Variants in TNFSF4 observed in about 807,000 individuals in gnomAD.
The protein encoded by TNFSF4 is TNF superfamily member 4.
A neutral mutation model predicts 7.3 loss-of-function variants in TNFSF4; 4 were observed. The observed-to-expected ratio is 0.55, with a 90% CI of 0.27 to 1.25. TNFSF4 has a LOEUF of 1.25. TNFSF4 is among the 50% of genes most tolerant of loss of function. The pLI is 0.12. For missense variants in TNFSF4, 181 were observed against 208.8 expected (o/e 0.87, Z 0.82); for synonymous variants, 76 against 83.7 (o/e 0.91, Z 0.50).
downstream of TNFSF4, among the ~76,000 whole-genome samples, chr1:173,182,070 A>C (rs955825056): frequency 6.6e-6 from 1 of 152,178 alleles, no homozygotes; most frequent in African/African-American, 2.4e-5. Flanking sequence ...TTAAAATGCT[A>C]CTGAAAACCA....
At chr1:173,250,700 C>T in the TNFSF4 span, among the ~76,000 whole-genome samples, 54 of 152,120 alleles carry the variant, frequency 3.5e-4, no homozygotes, top group East Asian at 6.8e-3. Context: ...ACCTCGTGAT[C>T]CGCCCACCTC....
intron 1 of TNFSF4, among the ~76,000 whole-genome samples, chr1:173,202,552 GC>G (rs1649991460): frequency 6.6e-6 from 1 of 152,106 alleles, no homozygotes; most frequent in African/African-American, 2.4e-5. Context: ...TTACTGTGGT[GC>G]CCCCTAGTGC....
chr1:173,381,141 A>T, the TNFSF4 span, among the ~76,000 whole-genome samples: 1 of 152,276 alleles, frequency 6.6e-6, no homozygotes, highest in East Asian at 1.9e-4. Context: ...ACACTCTCAA[A>T]GGATTTCTCA....
chr1:173,277,668 G>A, the TNFSF4 span, among the ~76,000 whole-genome samples: 7 of 151,986 alleles, frequency 4.6e-5, no homozygotes. Flanking sequence ...ACTATCTCTG[G>A]GTCACTATTA....
chr1:173,385,276 C>G, the TNFSF4 span, among the ~76,000 whole-genome samples: 3 of 152,116 alleles, frequency 2.0e-5, no homozygotes, highest in Non-Finnish European at 2.9e-5. Context: ...CTCCAAACAC[C>G]GGTGAATTGT....
chr1:173,286,609 A>G, the TNFSF4 span, among the ~76,000 whole-genome samples: 1 of 152,204 alleles, frequency 6.6e-6, no homozygotes, highest in Non-Finnish European at 1.5e-5. Context: ...TGAACCATAG[A>G]CCTAAACGTG....
the TNFSF4 span, among the ~76,000 whole-genome samples, chr1:173,366,630 T>A: frequency 2.0e-5 from 3 of 152,182 alleles, no homozygotes; most frequent in Non-Finnish European, 4.4e-5. Flanking sequence ...TAAAGGAGTA[T>A]AATTGGACTG....
chr1:173,435,719 C>T, the TNFSF4 span, among the ~76,000 whole-genome samples: 1 of 152,178 alleles, frequency 6.6e-6, no homozygotes. Flanking sequence ...CAGCTATATT[C>T]AATAAAAGTT....
chr1:173,342,550 T>C, the TNFSF4 span, among the ~76,000 whole-genome samples: 3 of 152,190 alleles, frequency 2.0e-5, no homozygotes, highest in Admixed American at 6.5e-5. Flanking sequence ...ATGGACATAT[T>C]ATCCGTTTCT....
At chr1:173,267,538 G>A in the TNFSF4 span, among the ~76,000 whole-genome samples, 1 of 152,046 alleles carries the variant, frequency 6.6e-6, no homozygotes, top group Non-Finnish European at 1.5e-5. Context: ...TTTTGCATTA[G>A]TCATCTTACC....
At chr1:173,415,867 A>AT in the TNFSF4 span, among the ~76,000 whole-genome samples, 1 of 152,186 alleles carries the variant, frequency 6.6e-6, no homozygotes, top group African/African-American at 2.4e-5. Context: ...TGTTCATAGT[A>AT]TTTTTGCCTA....
the TNFSF4 span, among the ~76,000 whole-genome samples, chr1:173,234,929 A>G: frequency 2.0e-5 from 3 of 152,342 alleles, no homozygotes; most frequent in South Asian, 6.2e-4. Flanking sequence ...CGTGGACCCT[A>G]GAACTTAAAG....
At chr1:173,251,518 C>T in the TNFSF4 span, among the ~76,000 whole-genome samples, 2 of 152,116 alleles carry the variant, frequency 1.3e-5, 1 homozygote, top group Non-Finnish European at 2.9e-5. Context: ...GAAGGGCTGA[C>T]CAAGGTGGGC....
chr1:173,293,969 GT>G, the TNFSF4 span, among the ~76,000 whole-genome samples: 1 of 151,732 alleles, frequency 6.6e-6, no homozygotes, highest in Non-Finnish European at 1.5e-5. Context: ...TGTTGACAAG[GT>G]TATGGAGAAA....
At chr1:173,274,308 T>C in the TNFSF4 span, among the ~76,000 whole-genome samples, 1 of 152,176 alleles carries the variant, frequency 6.6e-6, no homozygotes, top group Non-Finnish European at 1.5e-5. Context: ...CATAATTTAT[T>C]CAAGCATTCT....
At chr1:173,232,728 A>G in the TNFSF4 span, among the ~76,000 whole-genome samples, 6 of 152,148 alleles carry the variant, frequency 3.9e-5, no homozygotes, top group Admixed American at 3.3e-4. Context: ...TGAGATAATC[A>G]TGTGGTTTTT....
the TNFSF4 span, among the ~76,000 whole-genome samples, chr1:173,262,724 T>A: frequency 1.3e-5 from 2 of 150,342 alleles, no homozygotes; most frequent in Admixed American, 1.3e-4. Flanking sequence ...TGCCTCAGCC[T>A]CCCGAGTAGC....
At chr1:173,228,766 G>A in the TNFSF4 span, among the ~76,000 whole-genome samples, 1 of 152,164 alleles carries the variant, frequency 6.6e-6, no homozygotes, top group African/African-American at 2.4e-5. Flanking sequence ...CCATGGCAAA[G>A]AAACTAAGTG....
the TNFSF4 span, among the ~76,000 whole-genome samples, chr1:173,270,528 TGA>T: frequency 0.05 from 7,608 of 151,530 alleles, 613 homozygotes; most frequent in African/African-American, 0.17. Flanking sequence ...TCTAGAAGAG[TGA>T]GAGAGTAAAT....
Sources: gnomAD v4.1 joint callset for allele counts (sites outside exome capture counted in the v4.1 genomes callset) on GRCh38, gnomAD v4.1.1 for gene constraint, MANE v1.5 for transcripts, NCBI Gene and HGNC (gene_info 2026-07-23, HGNC 2026-07-21) for gene names.